TBC1D5: variants seen among roughly 807,000 people sequenced by gnomAD.
TBC1D5 encodes TBC1 domain family, member 5.
Under a neutral mutation model 100.3 loss-of-function variants are expected in TBC1D5, and 75 were observed. The ratio of observed to expected loss-of-function variants is 0.75; its 90% confidence interval spans 0.62 to 0.91. The LOEUF (loss-of-function observed/expected upper bound fraction) is 0.91. TBC1D5 is among the 40% of genes least tolerant of loss of function. The probability of loss-of-function intolerance (pLI) is 0.00; values close to 1 mark genes in which losing one functional copy is unlikely to be tolerated. For synonymous variants in TBC1D5, 323 were observed against 325.6 expected (o/e 0.99, Z 0.09); for missense variants, 910 against 942.4 (o/e 0.97, Z 0.45).
rs974460756 is a variant in TBC1D5 at position 17,528,159 on chromosome 3, A to G, written c.-35-19554T>C. 3.9e-5 allele frequency among the ~76,000 whole-genome samples: 6 copies of G among 152,102 alleles called. No individual in the cohort carries two copies. The East Asian group carries it at 1.2e-3, about 29-fold the overall frequency. On this transcript the variant is annotated intron_variant, in intron 2 of 21. Coordinates refer to ENST00000253692, the Ensembl canonical transcript of TBC1D5. ...ACTGCAGCCTCCACGTACAGAGCTCAAGCGATCCGCCCACCTCAGCCTCCC... is the reference window on the plus strand; with the variant it reads ...ACTGCAGCCTCCACGTACAGAGCTCGAGCGATCCGCCCACCTCAGCCTCCC...
At chr3:17,524,267 T>C (rs984759361) in intron 2 of TBC1D5, among the ~76,000 whole-genome samples, 3 of 152,108 alleles carry the variant, frequency 2.0e-5, no homozygotes, top group Non-Finnish European at 4.4e-5. Flanking sequence ...ATAAAAAAGG[T>C]AGATAATACC....
intron 13 of TBC1D5, among the ~76,000 whole-genome samples, chr3:17,367,424 T>TA (rs1303645347): frequency 6.6e-6 from 1 of 152,170 alleles, no homozygotes; most frequent in African/African-American, 2.4e-5. Context: ...AAATGACTCT[T>TA]AAAAAATTAC....
intron 4 of TBC1D5, among the ~76,000 whole-genome samples, chr3:17,427,817 C>G (rs1294679021): frequency 6.6e-6 from 1 of 151,908 alleles, no homozygotes; most frequent in Non-Finnish European, 1.5e-5. Context: ...ATCTTTCTTA[C>G]TCCTGAGTTT....
At chr3:17,345,920 G>C (rs2089793588) in intron 13 of TBC1D5, among the ~76,000 whole-genome samples, 1 of 152,054 alleles carries the variant, frequency 6.6e-6, no homozygotes, top group African/African-American at 2.4e-5. Flanking sequence ...GGACTGTTGT[G>C]GGGTGGGGAG....
intron 13 of TBC1D5, among the ~76,000 whole-genome samples, chr3:17,335,471 G>T (rs977669972): frequency 6.6e-6 from 1 of 152,066 alleles, no homozygotes; most frequent in African/African-American, 2.4e-5. Context: ...TAAGGAGAAA[G>T]ACCCATCTCT....
intron 1 of TBC1D5, among the ~76,000 whole-genome samples, chr3:17,682,833 T>G (rs1484085830): frequency 6.6e-6 from 1 of 151,504 alleles, no homozygotes; most frequent in Non-Finnish European, 1.5e-5. Context: ...CTTAAAAACT[T>G]TTAGTGATTC....
At chr3:17,297,091 G>T (rs528248527) in intron 14 of TBC1D5, among the ~76,000 whole-genome samples, 1 of 152,302 alleles carries the variant, frequency 6.6e-6, no homozygotes, top group East Asian at 1.9e-4. Flanking sequence ...GTGCAGAATT[G>T]CCAGTGGCTA....
At chr3:17,374,087 GAATTC>G (rs1264289900) in intron 12 of TBC1D5, among the ~76,000 whole-genome samples, 2 of 152,068 alleles carry the variant, frequency 1.3e-5, no homozygotes, top group African/African-American at 4.8e-5. Context: ...CTAAATGTAT[GAATTC>G]AATAGCAACG....
intron 13 of TBC1D5, among the ~76,000 whole-genome samples, chr3:17,357,785 T>C (rs1050756507): frequency 6.6e-6 from 1 of 152,196 alleles, no homozygotes; most frequent in Non-Finnish European, 1.5e-5. Flanking sequence ...AGCTTTTCTG[T>C]TGCGTTCCAT....
At chr3:17,545,196 C>T (rs1371910024) in intron 2 of TBC1D5, among the ~76,000 whole-genome samples, 6 of 152,010 alleles carry the variant, frequency 3.9e-5, no homozygotes, top group African/African-American at 1.5e-4. Context: ...AGAGATAGGG[C>T]CTTTACAGCA....
chr3:17,270,574 T>C (rs1350010753), intron 15 of TBC1D5, among the ~76,000 whole-genome samples: 2 of 152,174 alleles, frequency 1.3e-5, no homozygotes, highest in Admixed American at 6.5e-5. Context: ...ATTCTGTAGG[T>C]TGTCTACTCT....
At chr3:17,522,912 G>A (rs552801761) in intron 2 of TBC1D5, among the ~76,000 whole-genome samples, 1 of 152,228 alleles carries the variant, frequency 6.6e-6, no homozygotes, top group East Asian at 1.9e-4. Context: ...ACAATCGAAA[G>A]TAAATGACAA....
chr3:17,656,849 C>T (rs548538672), intron 1 of TBC1D5, among the ~76,000 whole-genome samples: 90 of 151,926 alleles, frequency 5.9e-4, no homozygotes, highest in African/African-American at 1.7e-3. Flanking sequence ...ATATAAAATG[C>T]GCATTCGAAT....
intron 1 of TBC1D5, among the ~76,000 whole-genome samples, chr3:17,723,812 T>C (rs1460735936): frequency 1.3e-5 from 2 of 152,102 alleles, no homozygotes; most frequent in Non-Finnish European, 2.9e-5. Context: ...CTATTAGTAG[T>C]TAAGTTTGAG....
chr3:17,437,460 A>G (rs764911223), intron 3 of TBC1D5, among the ~76,000 whole-genome samples: 1 of 152,068 alleles, frequency 6.6e-6, no homozygotes, highest in African/African-American at 2.4e-5. Context: ...GGCAAAATTA[A>G]TATTTCTGGG....
intron 3 of TBC1D5, among the ~76,000 whole-genome samples, chr3:17,463,319 T>C (rs1234278350): frequency 6.6e-6 from 1 of 152,178 alleles, no homozygotes; most frequent in African/African-American, 2.4e-5. Flanking sequence ...AACTTGCTGA[T>C]ATTTATTTGC....
At chr3:17,575,702 TCTTG>T (rs2153519610) in intron 2 of TBC1D5, among the ~76,000 whole-genome samples, 1 of 152,256 alleles carries the variant, frequency 6.6e-6, no homozygotes, top group East Asian at 1.9e-4. Context: ...CATTAACTTT[TCTTG>T]CAAGGTCTGT....
intron 3 of TBC1D5, among the ~76,000 whole-genome samples, chr3:17,486,764 A>G (rs1438106107): frequency 1.3e-5 from 2 of 152,190 alleles, no homozygotes; most frequent in Admixed American, 6.5e-5. Context: ...CTACTGCAGC[A>G]GTAAAGTGGC....
intron 2 of TBC1D5, among the ~76,000 whole-genome samples, chr3:17,604,658 C>G (rs532486559): frequency 4.6e-5 from 7 of 152,150 alleles, no homozygotes; most frequent in Non-Finnish European, 1.0e-4. Flanking sequence ...ACTTTACTCA[C>G]CATCAATTTG....
Sources: gnomAD v4.1 joint callset for allele counts (sites outside exome capture counted in the v4.1 genomes callset) on GRCh38, gnomAD v4.1.1 for gene constraint, MANE v1.5 for transcripts, NCBI Gene and HGNC (gene_info 2026-07-23, HGNC 2026-07-21) for gene names.